Variants in CTNNA2 observed in about 807,000 individuals in gnomAD.
CTNNA2 encodes the protein catenin alpha-2.
A neutral mutation model predicts 101.0 loss-of-function variants in CTNNA2; 42 were observed. The ratio of observed to expected loss-of-function variants is 0.42; its 90% CI spans 0.32 to 0.54. The LOEUF (loss-of-function observed/expected upper bound fraction) is 0.54, where lower values mean the gene tolerates loss of function less well. Ranked by LOEUF, CTNNA2 falls within the 20% of genes least tolerant of loss-of-function variation. CTNNA2 has a pLI of 0.14. For synonymous variants in CTNNA2, 450 were observed against 456.4 expected (o/e 0.99, Z 0.18); for missense variants, 871 against 1,223.1 (o/e 0.71, Z 4.29).
chr2:80,565,130 G>A (rs75457745), intron 12 of CTNNA2, among the ~76,000 whole-genome samples: 1 of 151,234 alleles, frequency 6.6e-6, no homozygotes, highest in Non-Finnish European at 1.5e-5. Context: ...TAGAAACTGT[G>A]TTTCTACTGG....
chr2:79,825,907 T>C (rs1353872128), intron 3 of CTNNA2, among the ~76,000 whole-genome samples: 2 of 152,144 alleles, frequency 1.3e-5, no homozygotes, highest in Non-Finnish European at 2.9e-5. Context: ...GCTGTAAATA[T>C]CAATGTATCA....
intron 2 of CTNNA2, among the ~76,000 whole-genome samples, chr2:79,674,263 T>C (rs1008378892): frequency 6.6e-6 from 1 of 152,196 alleles, no homozygotes; most frequent in African/African-American, 2.4e-5. Flanking sequence ...AGCAAGAAGA[T>C]ATTGAGCTGG....
chr2:80,557,966 C>T (rs1200799665), intron 12 of CTNNA2, among the ~76,000 whole-genome samples: 1 of 152,108 alleles, frequency 6.6e-6, no homozygotes, highest in Non-Finnish European at 1.5e-5. Context: ...TGATTGAGCA[C>T]TCTGGGGGCT....
At chr2:80,206,680 C>T (rs753044364) in intron 7 of CTNNA2, among the ~76,000 whole-genome samples, 1 of 152,172 alleles carries the variant, frequency 6.6e-6, no homozygotes, top group African/African-American at 2.4e-5. Flanking sequence ...TTGTCCCTCC[C>T]TCCCCTACAT....
At chr2:79,464,089 T>A (rs1670906813) in intron 4 of CTNNA2, among the ~76,000 whole-genome samples, 1 of 152,082 alleles carries the variant, frequency 6.6e-6, no homozygotes, top group Admixed American at 6.5e-5. Flanking sequence ...ACTCATTAAC[T>A]TGTCATTTAA....
At chr2:80,033,240 C>G (rs1695422103) in intron 7 of CTNNA2, among the ~76,000 whole-genome samples, 1 of 151,404 alleles carries the variant, frequency 6.6e-6, no homozygotes, top group African/African-American at 2.4e-5. Context: ...ATTCATAAGT[C>G]AATTTCTATA....
intron 3 of CTNNA2, among the ~76,000 whole-genome samples, chr2:79,814,952 T>C (rs918205502): frequency 6.6e-6 from 1 of 152,192 alleles, no homozygotes; most frequent in Non-Finnish European, 1.5e-5. Context: ...CTTTTGATTT[T>C]TTGATTATGG....
At chr2:80,535,717 C>T (rs1485535301) in intron 9 of CTNNA2, among the ~76,000 whole-genome samples, 2 of 152,218 alleles carry the variant, frequency 1.3e-5, no homozygotes, top group South Asian at 2.1e-4. Context: ...TGTACTTAAG[C>T]CCCCAGCTGC....
At chr2:79,239,819 G>A (rs1344998350) in intron 2 of CTNNA2, among the ~76,000 whole-genome samples, 5 of 152,086 alleles carry the variant, frequency 3.3e-5, no homozygotes, top group Non-Finnish European at 7.4e-5. Context: ...GCTAATATCC[G>A]GAATATACGA....
Position 80,591,457 on chromosome 2 carries a change from G to GTTTTTTTTTTTTTTTTTTTTTTTTTTT in CTNNA2, c.2189+1993_2189+1994insTTTTTTTTTTTTTTTTTTTTTTTTTTT, listed in dbSNP as rs567131551. Among the ~76,000 whole-genome samples, 15 of 70,312 alleles carry GTTTTTTTTTTTTTTTTTTTTTTTTTTT rather than the reference G, an allele frequency of 2.1e-4. 5 individuals carry two copies. The highest frequency in any genetic ancestry group is 1.0e-3 in the East Asian group (2 of 1,934). 46.1% of individuals were successfully genotyped at this position (70,312 alleles called of 152,430 possible). A position where few individuals can be genotyped will look rare whatever the true frequency, so the allele number is the denominator to read the frequency against. On this transcript the variant is annotated intron_variant, in intron 15 of 18. Coordinates refer to ENST00000402739, the MANE Select transcript of CTNNA2 (RefSeq NM_001282597.3). Reference sequence around the variant, plus strand: ...ATTGCTGCCTCCATCTGCACAGCCTGTTTTTTTTTTTTTTTTTTTTTGCAA... The same window carrying GTTTTTTTTTTTTTTTTTTTTTTTTTTT: ...ATTGCTGCCTCCATCTGCACAGCCTGTTTTTTTTTTTTTTTTTTTTTTTTTTTTTTTTTTTTTTTTTTTTTTTTGCAA...
At chr2:80,482,681 G>T (rs1257095434) in intron 9 of CTNNA2, among the ~76,000 whole-genome samples, 1 of 152,108 alleles carries the variant, frequency 6.6e-6, no homozygotes, top group African/African-American at 2.4e-5. Flanking sequence ...ATTATTTTTT[G>T]ATTCCACAGT....
At chr2:80,019,056 C>A (rs2104087904) in intron 7 of CTNNA2, among the ~76,000 whole-genome samples, 1 of 152,244 alleles carries the variant, frequency 6.6e-6, no homozygotes, top group South Asian at 2.1e-4. Flanking sequence ...CCACTATTTG[C>A]ATAGCATTTA....
At chr2:79,368,664 G>T (rs1364333741) in intron 3 of CTNNA2, among the ~76,000 whole-genome samples, 5 of 152,162 alleles carry the variant, frequency 3.3e-5, no homozygotes, top group Non-Finnish European at 7.3e-5. Flanking sequence ...GCTTATTAGA[G>T]TGGGAGGTGG....
At chr2:79,214,608 T>G (rs1572982244) in intron 2 of CTNNA2, among the ~76,000 whole-genome samples, 1 of 151,992 alleles carries the variant, frequency 6.6e-6, no homozygotes, top group African/African-American at 2.4e-5. Context: ...GGGATGGTAA[T>G]GGGCCTGTGA....
chr2:80,124,384 A>T (rs1266158692), intron 7 of CTNNA2, among the ~76,000 whole-genome samples: 1 of 152,136 alleles, frequency 6.6e-6, no homozygotes, highest in Non-Finnish European at 1.5e-5. Context: ...AATCTAAGAT[A>T]CTTTTTGTCC....
chr2:79,674,462 C>A (rs2104602861), intron 2 of CTNNA2, among the ~76,000 whole-genome samples: 1 of 152,170 alleles, frequency 6.6e-6, no homozygotes, highest in South Asian at 2.1e-4. Flanking sequence ...TAACACTTTT[C>A]AAATAATTCA....
At chr2:79,609,011 A>G (rs1573467743) in intron 1 of CTNNA2, among the ~76,000 whole-genome samples, 1 of 151,998 alleles carries the variant, frequency 6.6e-6, no homozygotes, top group African/African-American at 2.4e-5. Flanking sequence ...AAAATCTACT[A>G]GAATAATAAG....
At chr2:80,576,155 C>G (rs879508909) in intron 13 of CTNNA2, 3 of 152,044 alleles carry the variant, frequency 2.0e-5, no homozygotes, top group Non-Finnish European at 2.9e-5. Flanking sequence ...TTTCTTTTCC[C>G]AAAAACAATA....
chr2:80,273,289 A>G (rs1056477872), intron 7 of CTNNA2, among the ~76,000 whole-genome samples: 1 of 152,268 alleles, frequency 6.6e-6, no homozygotes, highest in African/African-American at 2.4e-5. Context: ...TCCAAATCCA[A>G]TCCAACAATA....
Sources: allele counts gnomAD v4.1 joint callset (sites outside exome capture counted in the v4.1 genomes callset), GRCh38; gene constraint gnomAD v4.1.1; transcripts MANE v1.5; gene names NCBI Gene and HGNC (gene_info 2026-07-23, HGNC 2026-07-21).